SLC24A2: variants seen among roughly 807,000 people sequenced by gnomAD.
SLC24A2 encodes solute carrier family 24 member 2.
A neutral mutation model predicts 62.0 loss-of-function variants in SLC24A2; 36 were observed. The observed-to-expected ratio is 0.58, with a 90% CI of 0.44 to 0.77. SLC24A2 has a LOEUF of 0.77. SLC24A2 is among the 30% of genes least tolerant of loss of function. The pLI is 0.00. For synonymous variants in SLC24A2, 358 were observed against 294.0 expected (o/e 1.22, Z -2.23); for missense variants, 846 against 817.9 (o/e 1.03, Z -0.42).
the SLC24A2 span, among the ~76,000 whole-genome samples, chr9:20,087,922 A>G: frequency 1.3e-5 from 2 of 152,168 alleles, no homozygotes; most frequent in Non-Finnish European, 1.5e-5. Flanking sequence ...GCGGTGAGTG[A>G]GTGAGCGATC....
chr9:20,088,167 G>A, the SLC24A2 span, among the ~76,000 whole-genome samples: 6 of 152,334 alleles, frequency 3.9e-5, no homozygotes, highest in African/African-American at 1.4e-4. Flanking sequence ...TCCTAGGAAA[G>A]GGGCTGAATC....
At chr9:19,773,050 G>A (rs898721301) in intron 2 of SLC24A2, among the ~76,000 whole-genome samples, 2 of 152,160 alleles carry the variant, frequency 1.3e-5, no homozygotes, top group Admixed American at 6.5e-5. Flanking sequence ...CTAAATGAAA[G>A]CAGCCAGTGC....
intron 2 of SLC24A2, among the ~76,000 whole-genome samples, chr9:19,728,045 G>A (rs1427851635): frequency 6.6e-6 from 1 of 152,128 alleles, no homozygotes; most frequent in Non-Finnish European, 1.5e-5. Flanking sequence ...TGCTTGCCAG[G>A]TAAGGAAGTG....
chr9:20,139,772 T>C, the SLC24A2 span, among the ~76,000 whole-genome samples: 1 of 152,184 alleles, frequency 6.6e-6, no homozygotes, highest in Non-Finnish European at 1.5e-5. Context: ...ACACTAAGAC[T>C]GGAGAAACAA....
At chr9:19,977,159 G>A in the SLC24A2 span, among the ~76,000 whole-genome samples, 42 of 151,328 alleles carry the variant, frequency 2.8e-4, no homozygotes. Context: ...ATGAGAGACA[G>A]AGAAAGAGAG....
At chr9:19,761,464 ATTT>A (rs757053703) in intron 2 of SLC24A2, among the ~76,000 whole-genome samples, 6 of 131,138 alleles carry the variant, frequency 4.6e-5, no homozygotes, top group Non-Finnish European at 8.0e-5. Context: ...TCATTTTTTA[ATTT>A]TTTTATTTTA....
At chr9:19,862,863 A>G in the SLC24A2 span, among the ~76,000 whole-genome samples, 1 of 152,208 alleles carries the variant, frequency 6.6e-6, no homozygotes, top group African/African-American at 2.4e-5. Context: ...ATAAAAAGCA[A>G]GAAATTAAAT....
At chr9:19,848,759 T>G in the SLC24A2 span, among the ~76,000 whole-genome samples, 1 of 152,212 alleles carries the variant, frequency 6.6e-6, no homozygotes, top group Non-Finnish European at 1.5e-5. Flanking sequence ...AAGATTGTTC[T>G]TCATTATTTA....
chr9:20,153,034 G>T, the SLC24A2 span, among the ~76,000 whole-genome samples: 1 of 151,668 alleles, frequency 6.6e-6, no homozygotes, highest in East Asian at 1.9e-4. Context: ...CAGAGCTTAA[G>T]TTAAAACATT....
In SLC24A2 at chr9:19,573,361, G is replaced by C. The variant is rs1835896313; in HGVS notation, c.1337C>G (p.Ala446Gly). The change falls in exon 7 of 11, where the codon GCA becomes GGA. Residue 446 changes from alanine (A) to glycine (G), a missense_variant. Physicochemically the swap from Ala to Gly is moderately conservative, Grantham distance 60. Transcript: ENST00000341998. ...GGAGAAAAGCCATACCTGGGCTTCT[G>C]CACCTTCAATGTTGTGGGAGAGATT... ...NGNLSHNIEG[A>G]EAQTADEEED... 1.2e-6 allele frequency: 2 copies of C among 1,607,702 alleles called. No individual in the cohort carries two copies. The highest frequency in any genetic ancestry group is 3.3e-4 in the Middle Eastern group (2 of 6,080).
chr9:19,906,019 T>C, the SLC24A2 span, among the ~76,000 whole-genome samples: 105 of 152,246 alleles, frequency 6.9e-4, no homozygotes, highest in African/African-American at 2.4e-3. Flanking sequence ...ATCAACAGAA[T>C]ATACATTCTT....
the SLC24A2 span, among the ~76,000 whole-genome samples, chr9:19,887,692 C>T: frequency 0.4 from 60,923 of 151,966 alleles, 12,810 homozygotes; most frequent in East Asian, 0.84. Context: ...CCAGCAATCC[C>T]ATTGCTGGGT....
At chr9:19,836,706 G>A in the SLC24A2 span, among the ~76,000 whole-genome samples, 1 of 152,114 alleles carries the variant, frequency 6.6e-6, no homozygotes, top group Non-Finnish European at 1.5e-5. Flanking sequence ...GAAAAAGAGG[G>A]AATCCTCCCT....
the SLC24A2 span, chr9:19,895,969 T>C: frequency 1.2e-6 from 2 of 1,606,344 alleles, no homozygotes; most frequent in African/African-American, 1.3e-5. Flanking sequence ...TTGGAGCATG[T>C]AACTCTGCTC....
chr9:19,607,507 G>A (rs538431346), intron 4 of SLC24A2, among the ~76,000 whole-genome samples: 8 of 152,094 alleles, frequency 5.3e-5, no homozygotes, highest in African/African-American at 1.9e-4. Context: ...ATAACCTGAG[G>A]TCAGGAGTTC....
chr9:19,947,252 C>T, the SLC24A2 span, among the ~76,000 whole-genome samples: 4 of 152,160 alleles, frequency 2.6e-5, no homozygotes, highest in Non-Finnish European at 5.9e-5. Context: ...TAGCTACAAC[C>T]TCTGTCTGGA....
At chr9:20,259,387 G>A in the SLC24A2 span, among the ~76,000 whole-genome samples, 1 of 152,062 alleles carries the variant, frequency 6.6e-6, no homozygotes, top group Non-Finnish European at 1.5e-5. Flanking sequence ...CCCAGCCCTA[G>A]AGAAAATTCT....
chr9:19,733,360 C>A (rs1821396329), intron 2 of SLC24A2, among the ~76,000 whole-genome samples: 1 of 152,212 alleles, frequency 6.6e-6, no homozygotes, highest in African/African-American at 2.4e-5. Context: ...CAGAATGCCT[C>A]ACCAGCAAGA....
chr9:20,016,054 AT>A, the SLC24A2 span, among the ~76,000 whole-genome samples: 10 of 152,230 alleles, frequency 6.6e-5, no homozygotes, highest in Non-Finnish European at 1.0e-4. Context: ...AATTTTACTA[AT>A]TCAGATCTAT....
Sources: allele counts gnomAD v4.1 joint callset (sites outside exome capture counted in the v4.1 genomes callset), GRCh38; gene constraint gnomAD v4.1.1; transcripts MANE v1.5; gene names NCBI Gene and HGNC (gene_info 2026-07-23, HGNC 2026-07-21).